Variants in MDN1 observed in about 807,000 individuals in gnomAD.
The protein encoded by MDN1 is midasin.
MDN1 carries 266 observed loss-of-function variants against 669.2 expected under a neutral mutation model. The ratio of observed to expected loss-of-function variants is 0.40; its 90% CI spans 0.36 to 0.44. The LOEUF is 0.44. Ranked by LOEUF, MDN1 falls within the 20% of genes least tolerant of loss-of-function variation. MDN1 has a pLI of 1.00. For missense variants in MDN1, 5,940 were observed against 6,754.0 expected, an observed-to-expected ratio of 0.88 and a Z score of 4.22; for synonymous variants, 2,385 against 2,457.1, an observed-to-expected ratio of 0.97 and a Z score of 0.87.
intron 1 of MDN1, among the ~76,000 whole-genome samples, chr6:89,813,342 G>C (rs1267637774): frequency 6.6e-6 from 1 of 152,112 alleles, no homozygotes; most frequent in Admixed American, 6.5e-5. Flanking sequence ...CTGAGTTCAG[G>C]AGTTCAAAAG....
At chr6:89,804,380 G>A (rs1767877669) in intron 1 of MDN1, among the ~76,000 whole-genome samples, 1 of 152,104 alleles carries the variant, frequency 6.6e-6, no homozygotes, top group South Asian at 2.1e-4. Context: ...TATAAAGGCT[G>A]TTACAAATAA....
At chr6:89,743,363 G>C in intron 30 of MDN1, 83 bp from the exon 31 acceptor site, 1 of 1,539,120 alleles carries the variant, frequency 6.5e-7, no homozygotes, top group Non-Finnish European at 8.9e-7. Context: ...GTTTCCAGGG[G>C]TGAAGTAGGC....
At chr6:89,675,791 A>G in intron 77 of MDN1, 1 of 571,952 alleles carries the variant, frequency 1.7e-6, no homozygotes, top group South Asian at 2.4e-5. Flanking sequence ...AAATGCATTT[A>G]TTAGTGGTCT....
intron 15 of MDN1, among the ~76,000 whole-genome samples, chr6:89,765,189 A>G (rs371243265): frequency 1.7e-3 from 259 of 152,260 alleles, no homozygotes; most frequent in African/African-American, 5.8e-3. Context: ...ACCCGGGAAC[A>G]GAGGTTGCAG....
chr6:89,645,806 G>A (rs1001780040), intron 100 of MDN1, among the ~76,000 whole-genome samples: 5 of 152,202 alleles, frequency 3.3e-5, no homozygotes, highest in Admixed American at 2.6e-4. Context: ...ATGTTGACAG[G>A]TGTGAATAAC....
intron 99 of MDN1, 59 bp from the exon 100 acceptor site, chr6:89,646,662 A>AATGAG: frequency 2.8e-6 from 4 of 1,405,428 alleles, no homozygotes; most frequent in Non-Finnish European, 4.0e-6. Context: ...TCTCATTGTC[A>AATGAG]AAGAGACTGA....
rs1458630973 is a variant in MDN1, at chr6:89,681,706, A to G, written c.12103-955T>C. 3.9e-5 allele frequency among the ~76,000 whole-genome samples: 6 copies of G among 152,346 alleles called. No homozygotes were observed. In the East Asian group the frequency reaches 9.6e-4, roughly 24 times the overall value. ...TCTTATGGCTGTATGCTCAGTTTCT[A>G]TTATGAGTTTTGAACCACTAAAATA... On this transcript the variant is annotated intron_variant, in intron 73 of 101. Transcript: ENST00000369393.
chr6:89,699,116 C>T, intron 58 of MDN1, 81 bp from the exon 59 acceptor site: 2 of 1,257,608 alleles, frequency 1.6e-6, no homozygotes, highest in Non-Finnish European at 2.2e-6. Context: ...TTCTAAGGCC[C>T]ATCTAAAACT....
At chr6:89,779,016 T>C (rs1177628647) in intron 11 of MDN1, among the ~76,000 whole-genome samples, 1 of 151,694 alleles carries the variant, frequency 6.6e-6, no homozygotes, top group Non-Finnish European at 1.5e-5. Context: ...AATCTGCATA[T>C]AATCTATGCA....
chr6:89,817,501 G>A (rs1010773529), intron 1 of MDN1, among the ~76,000 whole-genome samples: 1 of 152,168 alleles, frequency 6.6e-6, no homozygotes, highest in African/African-American at 2.4e-5. Flanking sequence ...GAAGAGGAAA[G>A]GGTAAAGTCA....
intron 90 of MDN1, among the ~76,000 whole-genome samples, chr6:89,657,638 T>G (rs1438001225): frequency 1.3e-5 from 2 of 152,238 alleles, no homozygotes; most frequent in Non-Finnish European, 2.9e-5. Context: ...TTCTCCCATC[T>G]AGAGCTACCA....
In MDN1 at chr6:89,758,890, T is replaced by C. The variant is rs1001690466; in HGVS notation, c.2531A>G (p.Glu844Gly). 3.1e-6 allele frequency: 5 copies of C among 1,613,976 alleles called. No homozygotes were observed. Among genetic ancestry groups the C allele is most frequent in the Non-Finnish European group, 4.2e-6 (5 of 1,179,984 alleles). The change falls in exon 18 of 102, where the codon GAA becomes GGA. Residue 844 changes from glutamate to glycine, a missense_variant. Transcript: ENST00000369393. ...CAAACCACTCAGACATTCTAGTATT[T>C]CTGGAGCAGCCAAGTTAATCTCATC... ...LLDEINLAAP[E>G]ILECLSGLLE...
At chr6:89,788,244 GC>G (rs1335201095) in intron 7 of MDN1, among the ~76,000 whole-genome samples, 1 of 152,116 alleles carries the variant, frequency 6.6e-6, no homozygotes, top group Non-Finnish European at 1.5e-5. Flanking sequence ...ATGGGAGAGG[GC>G]AGGCATGCAA....
At chr6:89,759,276 T>C (rs1817413802) in intron 17 of MDN1, among the ~76,000 whole-genome samples, 1 of 152,182 alleles carries the variant, frequency 6.6e-6, no homozygotes, top group South Asian at 2.1e-4. Context: ...CTATTAAAAC[T>C]CAAAATAAAT....
intron 33 of MDN1, among the ~76,000 whole-genome samples, chr6:89,736,360 G>A (rs1815972190): frequency 6.6e-6 from 1 of 152,164 alleles, no homozygotes. Flanking sequence ...GACAGCAACT[G>A]AACCCTCTGT....
At chr6:89,815,215 C>T in intron 1 of MDN1, 1 of 389,242 alleles carries the variant, frequency 2.6e-6, no homozygotes, top group Non-Finnish European at 5.0e-6. Context: ...CGGGAGACTG[C>T]CTTCCAGAGC....
chr6:89,783,776 C>T (rs2128325118), intron 9 of MDN1, among the ~76,000 whole-genome samples: 1 of 152,248 alleles, frequency 6.6e-6, no homozygotes, highest in East Asian at 1.9e-4. Flanking sequence ...TACTCTTTCT[C>T]TTTATTTCTC....
intron 9 of MDN1, among the ~76,000 whole-genome samples, chr6:89,784,318 A>T (rs531138808): frequency 2.4e-4 from 37 of 152,306 alleles, no homozygotes; most frequent in South Asian, 6.2e-4. Context: ...CTGTTTAAAA[A>T]AAAATAAAAT....
chr6:89,712,360 G>T, intron 48 of MDN1, 104 bp from the exon 49 acceptor site: 1 of 1,105,828 alleles, frequency 9.0e-7, no homozygotes, highest in Non-Finnish European at 1.3e-6. Context: ...TCAAAGGTAA[G>T]AGAGAAAAGG....
Sources: gnomAD v4.1 joint callset for allele counts (sites outside exome capture counted in the v4.1 genomes callset) on GRCh38, gnomAD v4.1.1 for gene constraint, MANE v1.5 for transcripts, NCBI Gene and HGNC (gene_info 2026-07-23, HGNC 2026-07-21) for gene names.